IL20RA: variants seen among roughly 807,000 people sequenced by gnomAD.
IL20RA encodes interleukin-20 receptor subunit alpha.
In IL20RA, 29 loss-of-function variants were observed where a neutral mutation model predicts 36.5. That is an observed-to-expected ratio of 0.79 (90% CI 0.59 to 1.08). IL20RA has a LOEUF of 1.08. Among genes scored for constraint, IL20RA ranks in the 50% least tolerant of loss-of-function variants. IL20RA has a pLI of 0.00. For synonymous variants in IL20RA, 279 were observed against 267.1 expected (o/e 1.04, Z -0.43); for missense variants, 652 against 668.4 (o/e 0.98, Z 0.27).
intron 1 of IL20RA, among the ~76,000 whole-genome samples, chr6:137,034,437 C>T (rs947794129): frequency 3.9e-5 from 6 of 152,012 alleles, no homozygotes; most frequent in South Asian, 2.1e-4. Context: ...TCAGGATACA[C>T]GTGCAGAATG....
chr6:137,015,399 C>T (rs1775648042), intron 2 of IL20RA, among the ~76,000 whole-genome samples: 1 of 152,136 alleles, frequency 6.6e-6, no homozygotes, highest in African/African-American at 2.4e-5. Context: ...TTTACCTTTA[C>T]AGATCCTGTT....
chr6:137,018,513 CGTGTGT>C (rs3842115), intron 1 of IL20RA, among the ~76,000 whole-genome samples: 20 of 142,916 alleles, frequency 1.4e-4, no homozygotes, highest in East Asian at 8.3e-4. Flanking sequence ...CTGCCGTGTG[CGTGTGT>C]GTGTGTGTGT....
intron 1 of IL20RA, among the ~76,000 whole-genome samples, chr6:137,036,922 T>C (rs1215039801): frequency 6.6e-6 from 1 of 152,178 alleles, no homozygotes; most frequent in East Asian, 1.9e-4. Flanking sequence ...AGGGGACTGA[T>C]GTTGAGCAAA....
At chr6:137,025,625 T>C (rs1441633055) in intron 1 of IL20RA, among the ~76,000 whole-genome samples, 1 of 152,202 alleles carries the variant, frequency 6.6e-6, no homozygotes, top group East Asian at 1.9e-4. Flanking sequence ...ATTAATAAGA[T>C]AGATCTAAAT....
At chr6:137,029,166 T>C (rs1023533862) in intron 1 of IL20RA, among the ~76,000 whole-genome samples, 6 of 152,258 alleles carry the variant, frequency 3.9e-5, no homozygotes, top group African/African-American at 1.2e-4. Flanking sequence ...CCCACTACTT[T>C]ATGTCATCTC....
chr6:137,044,369 C>G, intron 1 of IL20RA: 2 of 1,059,004 alleles, frequency 1.9e-6, no homozygotes, highest in Non-Finnish European at 2.3e-6. Flanking sequence ...ACTCCCCCCA[C>G]CCCACCTCAA....
At chr6:137,002,552 G>A (rs1432378802) in intron 6 of IL20RA, among the ~76,000 whole-genome samples, 197 bp from the exon 7 acceptor site, 2 of 152,234 alleles carry the variant, frequency 1.3e-5, no homozygotes, top group African/African-American at 4.8e-5. Context: ...ACAAAAGATA[G>A]TTGGAAGCGA....
chr6:137,017,383 C>G (rs1258235679), intron 1 of IL20RA, among the ~76,000 whole-genome samples: 1 of 152,106 alleles, frequency 6.6e-6, no homozygotes, highest in Non-Finnish European at 1.5e-5. Flanking sequence ...CTCAGTTGTC[C>G]TGGTGTCCCA....
At chr6:137,004,929 AG>A (rs1775226266) in intron 5 of IL20RA, among the ~76,000 whole-genome samples, 169 bp from the exon 6 acceptor site, 1 of 152,320 alleles carries the variant, frequency 6.6e-6, no homozygotes, top group African/African-American at 2.4e-5. Context: ...AAATGTTATA[AG>A]CGGTCTCAGA....
chr6:137,044,278 C>T, intron 1 of IL20RA: 2 of 999,486 alleles, frequency 2.0e-6, no homozygotes, highest in Non-Finnish European at 2.4e-6. Context: ...TGGGACTGGC[C>T]GGCGAGGGGC....
At chr6:137,041,610 C>T (rs1582844953) in intron 1 of IL20RA, among the ~76,000 whole-genome samples, 1 of 152,020 alleles carries the variant, frequency 6.6e-6, no homozygotes, top group African/African-American at 2.4e-5. Flanking sequence ...AAATAAAATA[C>T]GGAATGCTGC....
At chr6:137,015,648 TTTTGTTTG>T (rs369289244) in intron 2 of IL20RA, among the ~76,000 whole-genome samples, 161 of 152,172 alleles carry the variant, frequency 1.1e-3, no homozygotes, top group Middle Eastern at 3.4e-3. Flanking sequence ...TCTCCATAAT[TTTTGTTTG>T]TTTGTTTGTT....
chr6:137,015,378 C>T (rs1284014093), intron 2 of IL20RA, among the ~76,000 whole-genome samples: 1 of 152,146 alleles, frequency 6.6e-6, no homozygotes, highest in Admixed American at 6.5e-5. Context: ...ACTGTTTTCT[C>T]TTCTTTGAGT....
chr6:137,007,450 A>G (rs1265106095), intron 5 of IL20RA, among the ~76,000 whole-genome samples: 1 of 152,230 alleles, frequency 6.6e-6, no homozygotes, highest in Non-Finnish European at 1.5e-5. Flanking sequence ...TGATAGAGCC[A>G]AGGCATGGGG....
Position 137,001,544 on chromosome 6 carries a change from AG to A in IL20RA, c.*13del, listed in dbSNP as rs1338924503. ...GTTTGCACAGGAAACAAAAGGCAAAAGGAAGTGTTGGCATCAGTTTTCCATC... is the reference window on the plus strand; with the variant it reads ...GTTTGCACAGGAAACAAAAGGCAAAAGAAGTGTTGGCATCAGTTTTCCATC... On this transcript the variant is annotated 3_prime_UTR_variant, in exon 7 of 7. Coordinates refer to ENST00000316649, the MANE Select transcript of IL20RA (RefSeq NM_014432.4). The A allele has an allele frequency of 2.6e-6, 4 of 1,519,168 alleles. No individual in the cohort carries two copies. The highest frequency in any genetic ancestry group is 4.6e-5 in the East Asian group (2 of 43,498). 94.1% of individuals were successfully genotyped at this position (1,519,168 alleles called of 1,614,324 possible).
chr6:137,031,923 C>T (rs118037142), intron 1 of IL20RA, among the ~76,000 whole-genome samples: 3,137 of 151,414 alleles, frequency 0.021, 31 homozygotes, highest in Middle Eastern at 0.041. Flanking sequence ...TGGCAGCGCA[C>T]GTGCCTGTAA....
intron 1 of IL20RA, among the ~76,000 whole-genome samples, chr6:137,026,419 TGGTAAGCTTACATTACACACA>T (rs1562238742): frequency 1.3e-5 from 2 of 152,240 alleles, no homozygotes; most frequent in African/African-American, 4.8e-5. Flanking sequence ...GAATTCACCT[TGGTAAGCTTACATTACACACA>T]GGATCTGCAC....
intron 2 of IL20RA, among the ~76,000 whole-genome samples, chr6:137,012,286 G>T (rs1173373810): frequency 6.6e-6 from 1 of 152,148 alleles, no homozygotes; most frequent in Admixed American, 6.6e-5. Flanking sequence ...ACAAAAGCAA[G>T]AAATATTAGG....
At position 137,016,855 on chromosome 6, in the gene IL20RA, A is replaced by G; in HGVS notation, c.224+113T>C. The G allele has an allele frequency of 3.0e-6, 3 of 996,192 alleles. No homozygotes were observed. The South Asian group carries it at 4.7e-5, about 16-fold the overall frequency. The allele number at this position is 996,192 out of a possible 1,614,324, so 61.7% of individuals were successfully genotyped here. A position where few individuals can be genotyped will look rare whatever the true frequency, so the allele number is the denominator to read the frequency against. On this transcript the variant is annotated intron_variant, in intron 2 of 6. Transcript: ENST00000316649. ...GAAAACTTAACCTGAAATATCTAAA[A>G]CTTTTCTCTTTTTCAAACACATTTA...
Sources: allele counts gnomAD v4.1 joint callset (sites outside exome capture counted in the v4.1 genomes callset), GRCh38; gene constraint gnomAD v4.1.1; transcripts MANE v1.5; gene names NCBI Gene and HGNC (gene_info 2026-07-23, HGNC 2026-07-21).